The following TDRD3 variants were observed in gnomAD, a reference collection of about 807,000 sequenced individuals.
The protein encoded by TDRD3 is tudor domain-containing protein 3.
Under a neutral mutation model 86.7 loss-of-function variants are expected in TDRD3, and 45 were observed. The ratio of observed to expected loss-of-function variants is 0.52; its 90% CI spans 0.41 to 0.67. The LOEUF (loss-of-function observed/expected upper bound fraction) is 0.67, where lower values mean the gene tolerates loss of function less well. Among genes scored for constraint, TDRD3 ranks in the 30% least tolerant of loss-of-function variants. The probability of loss-of-function intolerance (pLI) is 0.00; values close to 1 mark genes in which losing one functional copy is unlikely to be tolerated. For synonymous variants in TDRD3, 298 were observed against 301.7 expected, an observed-to-expected ratio of 0.99 and a Z score of 0.13; for missense variants, 814 against 889.0, an observed-to-expected ratio of 0.92 and a Z score of 1.07.
chr13:60,473,033 C>T (rs1156347950), intron 5 of TDRD3, among the ~76,000 whole-genome samples: 1 of 152,160 alleles, frequency 6.6e-6, no homozygotes, highest in African/African-American at 2.4e-5. Flanking sequence ...GCTGCTATAA[C>T]AGAATACCAC....
Position 60,480,429 on chromosome 13 carries a change from TTG to T in TDRD3, c.496-3345_496-3344del, listed in dbSNP as rs1313291728. 2.6e-5 allele frequency among the ~76,000 whole-genome samples: 4 copies of T among 152,288 alleles called. No individual in the cohort carries two copies. The East Asian group carries it at 7.7e-4, about 29-fold the overall frequency. ...TAGCTGCCTGTATGATTTTTTTCTT[TTG>T]CATTGACCTTGGAGAATCTGATGAC... On this transcript the variant is annotated intron_variant, in intron 5 of 13. Coordinates refer to ENST00000377881, the MANE Select transcript of TDRD3 (RefSeq NM_001146070.2).
chr13:60,486,820 T>C (rs568700886), intron 7 of TDRD3, among the ~76,000 whole-genome samples: 1 of 152,350 alleles, frequency 6.6e-6, no homozygotes, highest in Admixed American at 6.5e-5. Context: ...GAGACAACTT[T>C]TTTATCTCTC....
intron 5 of TDRD3, among the ~76,000 whole-genome samples, chr13:60,476,327 C>T (rs1423606919): frequency 1.3e-5 from 2 of 152,094 alleles, no homozygotes; most frequent in African/African-American, 2.4e-5. Flanking sequence ...TTATTGTCAG[C>T]TGTGTCAAAG....
At chr13:60,538,236 A>G (rs866693176) in intron 12 of TDRD3, 2 of 151,980 alleles carry the variant, frequency 1.3e-5, no homozygotes, top group South Asian at 2.1e-4. Flanking sequence ...AAATATTTTG[A>G]AAGTATTAAT....
intron 12 of TDRD3, among the ~76,000 whole-genome samples, chr13:60,559,842 AGTG>A (rs1352897081): frequency 7.9e-5 from 12 of 152,186 alleles, no homozygotes; most frequent in Admixed American, 5.9e-4. Flanking sequence ...AATTAACAGT[AGTG>A]TATTGTATGC....
intron 5 of TDRD3, among the ~76,000 whole-genome samples, chr13:60,472,942 T>C (rs1956103496): frequency 6.6e-6 from 1 of 152,156 alleles, no homozygotes; most frequent in Non-Finnish European, 1.5e-5. Context: ...TGGAATTCAG[T>C]ATGGAAAGTT....
At chr13:60,561,809 C>CA (rs1004642699) in intron 12 of TDRD3, among the ~76,000 whole-genome samples, 2 of 152,104 alleles carry the variant, frequency 1.3e-5, no homozygotes, top group African/African-American at 4.8e-5. Flanking sequence ...CTGTTCTTTA[C>CA]AAAATCTTCC....
intron 1 of TDRD3, among the ~76,000 whole-genome samples, chr13:60,415,171 G>A (rs746265527): frequency 3.3e-5 from 5 of 151,868 alleles, no homozygotes; most frequent in African/African-American, 4.8e-5. Flanking sequence ...AGTGTTTAGG[G>A]AACTAGGCAT....
At chr13:60,509,949 G>T in intron 9 of TDRD3, 30 bp downstream of exon 9, 1 of 1,600,692 alleles carries the variant, frequency 6.2e-7, no homozygotes, top group South Asian at 1.1e-5. Context: ...GTGCCAGATA[G>T]TATTGTTTGC....
chr13:60,440,520 T>C (rs1041701507), intron 2 of TDRD3, among the ~76,000 whole-genome samples: 2 of 151,942 alleles, frequency 1.3e-5, no homozygotes, highest in African/African-American at 4.8e-5. Flanking sequence ...ATCTCTAGCA[T>C]AGATACAAAA....
Position 60,485,266 on chromosome 13 carries a change from CT to C in TDRD3, c.568-524del, listed in dbSNP as rs537970473. Among the ~76,000 whole-genome samples, 776 of 150,476 alleles carry C rather than the reference CT, an allele frequency of 5.2e-3. 3 individuals are homozygous for C. Among genetic ancestry groups the C allele is most frequent in the Middle Eastern group, 0.024 (7 of 288 alleles). On this transcript the variant is annotated intron_variant, in intron 6 of 13. Coordinates refer to ENST00000377881, the MANE Select transcript of TDRD3 (RefSeq NM_001146070.2). ...AGGGCTTCTTTTTAGGCAGTGATGC[CT>C]TTTTTTTTACTTTATGAGACAAAAA...
At chr13:60,483,721 G>A in intron 5 of TDRD3, 54 bp from the exon 6 acceptor site, 1 of 1,506,486 alleles carries the variant, frequency 6.6e-7, no homozygotes, top group Non-Finnish European at 9.1e-7. Flanking sequence ...TATAAATGCT[G>A]GAAATATATT....
chr13:60,526,274 C>A (rs1255837294), intron 10 of TDRD3, among the ~76,000 whole-genome samples: 1 of 152,142 alleles, frequency 6.6e-6, no homozygotes, highest in East Asian at 1.9e-4. Flanking sequence ...AGCCTCATAA[C>A]ACCTGTATCA....
At position 60,444,751 on chromosome 13, in the gene TDRD3, A is replaced by G. The variant is rs1447273597; in HGVS notation, c.192+3A>G. On this transcript the variant is annotated splice_donor_region_variant and intron_variant, in intron 3 of 13. Transcript: ENST00000377881. ...TCAATAGTGGAAAGGTAGAAAAGGT[A>G]AAGAAAATCAATAACTTCTTACATT... is the stretch of plus-strand genomic sequence containing the variant. 3 of 1,441,204 alleles carry G rather than the reference A, an allele frequency of 2.1e-6. No individual in the cohort carries two copies. Among genetic ancestry groups the G allele is most frequent in the Non-Finnish European group, 2.8e-6 (3 of 1,073,076 alleles). 89.3% of individuals were successfully genotyped at this position (1,441,204 alleles called of 1,614,324 possible). A position where few individuals can be genotyped will look rare whatever the true frequency, so the allele number is the denominator to read the frequency against.
chr13:60,436,251 TTTTAG>T (rs1481319435), intron 1 of TDRD3, among the ~76,000 whole-genome samples: 4 of 152,050 alleles, frequency 2.6e-5, no homozygotes, highest in Admixed American at 1.3e-4. Context: ...GTGCAGAAGC[TTTTAG>T]TTTAATTAAG....
chr13:60,480,074 C>A (rs1956278002), intron 5 of TDRD3, among the ~76,000 whole-genome samples: 1 of 152,098 alleles, frequency 6.6e-6, no homozygotes, highest in Non-Finnish European at 1.5e-5. Flanking sequence ...GACATGATTG[C>A]ATAGTTTATA....
chr13:60,426,944 A>G (rs1170766896), intron 1 of TDRD3, among the ~76,000 whole-genome samples: 3 of 152,210 alleles, frequency 2.0e-5, no homozygotes, highest in East Asian at 1.9e-4. Context: ...CAACCTGTAC[A>G]GCATGTTATC....
intron 5 of TDRD3, among the ~76,000 whole-genome samples, chr13:60,471,077 A>G (rs1290666912): frequency 6.6e-6 from 1 of 152,200 alleles, no homozygotes; most frequent in East Asian, 1.9e-4. Context: ...TCCTACTAAC[A>G]TAATATGTTT....
chr13:60,471,497 A>G (rs1015771413), intron 5 of TDRD3, among the ~76,000 whole-genome samples: 1 of 151,966 alleles, frequency 6.6e-6, no homozygotes, highest in African/African-American at 2.4e-5. Context: ...GCTATTCAGT[A>G]TTGAGATTCC....
Sources: gnomAD v4.1 joint callset for allele counts (sites outside exome capture counted in the v4.1 genomes callset) on GRCh38, gnomAD v4.1.1 for gene constraint, MANE v1.5 for transcripts, NCBI Gene and HGNC (gene_info 2026-07-23, HGNC 2026-07-21) for gene names.